FHAD1: variants seen among roughly 807,000 people sequenced by gnomAD.
FHAD1 encodes forkhead associated phosphopeptide binding domain 1, also known as forkhead-associated domain-containing protein 1.
Under a neutral mutation model 191.3 loss-of-function variants are expected in FHAD1, and 146 were observed. That is an observed-to-expected ratio of 0.76 (90% confidence interval 0.67 to 0.88). FHAD1 has a LOEUF of 0.88. FHAD1 is among the 40% of genes least tolerant of loss of function. The pLI is 0.00. For missense variants in FHAD1, 1,635 were observed against 1,785.8 expected, an observed-to-expected ratio of 0.92 and a Z score of 1.52; for synonymous variants, 616 against 672.3, an observed-to-expected ratio of 0.92 and a Z score of 1.29.
At position 15,358,104 on chromosome 1, in the gene FHAD1, G is replaced by T. The variant is rs537684147; in HGVS notation, c.2563-6G>T. ...CTGTTATTTTGCTACTTGTTTTTTT[G>T]TCTAGGAATTAGAATTAAAAGAGCA... On this transcript the variant is annotated splice_polypyrimidine_tract_variant and splice_region_variant and intron_variant, in intron 20 of 33. Transcript: ENST00000688493. 2 of 1,499,438 alleles carry T rather than the reference G, an allele frequency of 1.3e-6. No homozygotes were observed. Among genetic ancestry groups the T allele is most frequent in the Non-Finnish European group, 1.8e-6 (2 of 1,129,416 alleles). The allele number at this position is 1,499,438 out of a possible 1,614,324, so 92.9% of individuals were successfully genotyped here.
At chr1:15,391,350 C>A (rs916756235) in intron 33 of FHAD1, 87 bp downstream of exon 33, 32 of 859,820 alleles carry the variant, frequency 3.7e-5, no homozygotes, top group Non-Finnish European at 5.3e-5. Flanking sequence ...GAATCTCACT[C>A]TGTTGCCCAG....
At chr1:15,374,671 A>T (rs1477386487) in intron 27 of FHAD1, 40 bp downstream of exon 27, 1 of 1,547,508 alleles carries the variant, frequency 6.5e-7, no homozygotes, top group South Asian at 1.2e-5. Flanking sequence ...TGGACCCCAG[A>T]CTCCGGCTCA....
At chr1:15,258,507 C>T (rs1190179781) in intron 2 of FHAD1, among the ~76,000 whole-genome samples, 1 of 151,988 alleles carries the variant, frequency 6.6e-6, no homozygotes, top group African/African-American at 2.4e-5. Context: ...TGTCAATGGA[C>T]ACTTGGGTTG....
At chr1:15,375,751 C>A in intron 28 of FHAD1, 21 bp downstream of exon 28, 1 of 1,520,886 alleles carries the variant, frequency 6.6e-7, no homozygotes, top group Non-Finnish European at 8.8e-7. Flanking sequence ...AAAATTCTCT[C>A]TGCTGTGACT....
intron 2 of FHAD1, among the ~76,000 whole-genome samples, chr1:15,261,237 A>C (rs1457792631): frequency 1.3e-5 from 2 of 152,114 alleles, no homozygotes; most frequent in Non-Finnish European, 2.9e-5. Flanking sequence ...ACAGATGAGG[A>C]AGTTGTGGCA....
Position 15,381,270 on chromosome 1 carries a change from A to G in FHAD1, c.3841A>G (p.Ile1281Val), listed in dbSNP as rs777435016. 1.9e-6 allele frequency: 3 copies of G among 1,551,710 alleles called. No homozygotes were observed. The highest frequency in any genetic ancestry group is 1.2e-5 in the South Asian group (1 of 84,060). Residue 1281 changes from isoleucine to valine, a missense_variant, in exon 30 of 34, where the codon ATC becomes GTC. Physicochemically the swap from Ile to Val is conservative, Grantham distance 29. Coordinates refer to ENST00000688493, the MANE Select transcript of FHAD1 (RefSeq NM_001391957.1). This position sits in a 1 kb window ranked among gnomAD's most constrained non-coding sequence, Gnocchi z 4.6. ...MSKTLGSLMN[I>V]KNMSGHVSMK... is the part of the protein sequence containing the mutation. ...CAAAACCCTCGGAAGTCTCATGAAC[A>G]TCAAGAATATGTCAGGCCACGTGTC... is the stretch of plus-strand genomic sequence containing the variant.
At chr1:15,251,598 A>G (rs74053814) in intron 1 of FHAD1, among the ~76,000 whole-genome samples, 173 bp from the exon 2 acceptor site, 3,582 of 152,196 alleles carry the variant, frequency 0.024, 139 homozygotes, top group African/African-American at 0.081. Flanking sequence ...TGTCTTAAAA[A>G]CCTGCAGAAT....
intron 33 of FHAD1, chr1:15,392,954 C>T (rs1262991531): frequency 6.6e-6 from 1 of 152,188 alleles, no homozygotes; most frequent in Non-Finnish European, 1.5e-5. Flanking sequence ...TGCCCTGGCC[C>T]TCATTCGCAC....
chr1:15,252,249 G>T (rs1646873081), intron 2 of FHAD1, among the ~76,000 whole-genome samples: 1 of 152,220 alleles, frequency 6.6e-6, no homozygotes, highest in African/African-American at 2.4e-5. Context: ...TATCGAAGCA[G>T]CAGTGTTACA....
At chr1:15,237,159 C>T (rs1644874977) in intron 1 of FHAD1, among the ~76,000 whole-genome samples, 1 of 152,132 alleles carries the variant, frequency 6.6e-6, no homozygotes, top group Non-Finnish European at 1.5e-5. Flanking sequence ...CTCTTTATAG[C>T]AGCATAAGCA....
chr1:15,239,564 A>T (rs1573509327), intron 1 of FHAD1, among the ~76,000 whole-genome samples: 1 of 152,268 alleles, frequency 6.6e-6, no homozygotes, highest in African/African-American at 2.4e-5. Flanking sequence ...CTTCAGCCTG[A>T]GTGACAGAGC....
rs578059775 is a variant in FHAD1, at chr1:15,365,723, C to T, written c.3048-104C>T. The T allele has an allele frequency of 1.3e-4, 92 of 710,636 alleles. 1 individual carries two copies. In the South Asian group the frequency reaches 1.5e-3, roughly 12 times the overall value. The allele number at this position is 710,636 out of a possible 1,614,324, so 44.0% of individuals were successfully genotyped here. A position where few individuals can be genotyped will look rare whatever the true frequency, so the allele number is the denominator to read the frequency against. On this transcript the variant is annotated intron_variant, in intron 23 of 33. Transcript: ENST00000688493. ...TTGCTGGGACTGGCGTTGCATGGAC[C>T]GTGATTGAGAATCTCTTTGCATTTG... is the stretch of plus-strand genomic sequence containing the variant.
intron 4 of FHAD1, among the ~76,000 whole-genome samples, chr1:15,291,442 A>T (rs908744818): frequency 2.0e-5 from 3 of 152,216 alleles, no homozygotes; most frequent in African/African-American, 7.2e-5. Flanking sequence ...TCATTAATTC[A>T]TCTTAATTTT....
chr1:15,247,385 C>A lies in FHAD1; in HGVS notation c.-25C>A. ...GCGGAGGTCGGAGCGTGGGCTTCCTCCTCCCGCCAGGTGAGTGCGGCGCGG... is the reference window on the plus strand; with the variant it reads ...GCGGAGGTCGGAGCGTGGGCTTCCTACTCCCGCCAGGTGAGTGCGGCGCGG... On this transcript the variant is annotated 5_prime_UTR_variant, in exon 1 of 34. Transcript: ENST00000688493. The A allele has an allele frequency of 4.7e-6, 1 of 214,566 alleles. No homozygotes were observed. Among genetic ancestry groups the A allele is most frequent in the Non-Finnish European group, 1.0e-5 (1 of 98,186 alleles). The allele number at this position is 214,566 out of a possible 1,614,324, so 13.3% of individuals were successfully genotyped here. A position where few individuals can be genotyped will look rare whatever the true frequency, so the allele number is the denominator to read the frequency against.
intron 4 of FHAD1, among the ~76,000 whole-genome samples, chr1:15,294,268 C>T (rs1241718312): frequency 3.3e-5 from 5 of 149,284 alleles, no homozygotes; most frequent in African/African-American, 1.3e-4. Context: ...TAGACCATTG[C>T]TTTGCTTTCG....
intron 20 of FHAD1, among the ~76,000 whole-genome samples, chr1:15,353,832 C>T (rs530845901): frequency 6.6e-6 from 1 of 151,540 alleles, no homozygotes; most frequent in East Asian, 1.9e-4. Flanking sequence ...ATTGTCATCA[C>T]CTTCATAATC....
At chr1:15,361,865 C>T (rs1050603341) in intron 22 of FHAD1, among the ~76,000 whole-genome samples, 1 of 152,008 alleles carries the variant, frequency 6.6e-6, no homozygotes, top group African/African-American at 2.4e-5. Flanking sequence ...ATTAGCCGGG[C>T]CTGGTGGCGC....
At chr1:15,380,916 C>A in intron 29 of FHAD1, 120 bp downstream of exon 29, 2 of 713,538 alleles carry the variant, frequency 2.8e-6, no homozygotes, top group Non-Finnish European at 2.3e-6. Context: ...TCTAATAACT[C>A]TGCAGGACCT....
rs186836278 is a variant in FHAD1, at chr1:15,395,901, C to T, written c.4324-1396C>T. Among the ~76,000 whole-genome samples the T allele has an allele frequency of 9.2e-4, 140 of 152,264 alleles. 1 individual carries two copies. Among genetic ancestry groups the T allele is most frequent in the African/African-American group, 3.1e-3 (130 of 41,540 alleles). On this transcript the variant is annotated intron_variant, in intron 33 of 33. Coordinates refer to ENST00000688493, the MANE Select transcript of FHAD1 (RefSeq NM_001391957.1). ...CCCAGGGAAGCCAAAAGTTTGGACA[C>T]CCAGTTCTAAGCCATCAGAGACTTT...
Sources: allele counts gnomAD v4.1 joint callset (sites outside exome capture counted in the v4.1 genomes callset), GRCh38; gene constraint gnomAD v4.1.1; non-coding constraint Gnocchi (gnomAD v3.1); transcripts MANE v1.5; gene names NCBI Gene and HGNC (gene_info 2026-07-23, HGNC 2026-07-21).